The following ZBTB20 variants were observed in gnomAD, a reference collection of about 807,000 sequenced individuals.
The protein encoded by ZBTB20 is zinc finger and BTB domain containing 20.
In ZBTB20, 9 loss-of-function variants were observed where a neutral mutation model predicts 56.9. The ratio of observed to expected loss-of-function variants is 0.16; its 90% CI spans 0.10 to 0.28. The LOEUF is 0.28. ZBTB20 is among the 10% of genes least tolerant of loss of function. The pLI is 1.00. For synonymous variants in ZBTB20, 417 were observed against 420.7 expected (o/e 0.99, Z 0.11); for missense variants, 655 against 1,003.0 (o/e 0.65, Z 4.69).
At chr3:114,755,579 GA>G (rs2067949191) in intron 5 of ZBTB20, among the ~76,000 whole-genome samples, 1 of 152,048 alleles carries the variant, frequency 6.6e-6, no homozygotes, top group African/African-American at 2.4e-5. Flanking sequence ...TTATTTACAT[GA>G]AATTTTTTTT....
chr3:114,981,200 C>A (rs1275891751), intron 2 of ZBTB20, among the ~76,000 whole-genome samples: 3 of 151,916 alleles, frequency 2.0e-5, no homozygotes, highest in Non-Finnish European at 4.4e-5. Context: ...TTACAGAATT[C>A]TAAATAACTA....
chr3:115,035,946 T>C (rs77822609), intron 2 of ZBTB20, among the ~76,000 whole-genome samples: 402 of 152,314 alleles, frequency 2.6e-3, no homozygotes, highest in African/African-American at 9.3e-3. Flanking sequence ...TTGAGGACAC[T>C]ATGCTAAATG....
rs908066830 is a variant in ZBTB20 at position 114,314,926 on chromosome 3, G to A, written c.*24079C>T. 1 of 152,054 alleles carries A rather than the reference G, an allele frequency of 6.6e-6. No homozygotes were observed. Among genetic ancestry groups the A allele is most frequent in the African/African-American group, 2.4e-5 (1 of 41,388 alleles). The allele number at this position is 152,054 out of a possible 1,614,324, so 9.4% of individuals were successfully genotyped here. A position where few individuals can be genotyped will look rare whatever the true frequency, so the allele number is the denominator to read the frequency against. On this transcript the variant is annotated 3_prime_UTR_variant, in exon 12 of 12. Transcript: ENST00000675478. The stretch of plus-strand genomic sequence containing the variant: ...ATACGAGGCTAATATTAAATGGCAG[G>A]TAAGGATACTGTCACTGTAAGAAAA...
At chr3:114,816,278 A>G (rs1169371311) in intron 4 of ZBTB20, among the ~76,000 whole-genome samples, 1 of 152,240 alleles carries the variant, frequency 6.6e-6, no homozygotes, top group Non-Finnish European at 1.5e-5. Flanking sequence ...AAATAGAGGA[A>G]GTATGCTGGG....
chr3:114,385,585 C>T (rs1388506174), intron 8 of ZBTB20, among the ~76,000 whole-genome samples: 5 of 152,114 alleles, frequency 3.3e-5, no homozygotes, highest in Non-Finnish European at 5.9e-5. Context: ...AAGACATTTC[C>T]GGGCAAGGGG....
At chr3:114,373,194 G>C (rs182160374) in intron 10 of ZBTB20, among the ~76,000 whole-genome samples, 1 of 152,220 alleles carries the variant, frequency 6.6e-6, no homozygotes, top group Non-Finnish European at 1.5e-5. Flanking sequence ...GATTACAGGC[G>C]TGAGCCACTG....
intron 6 of ZBTB20, among the ~76,000 whole-genome samples, chr3:114,506,993 T>G (rs1283262124): frequency 6.6e-6 from 1 of 152,202 alleles, no homozygotes; most frequent in Non-Finnish European, 1.5e-5. Flanking sequence ...GTTGAATAAA[T>G]GCTGTCCGTC....
At chr3:114,770,981 C>T (rs765414234) in intron 5 of ZBTB20, among the ~76,000 whole-genome samples, 1 of 152,150 alleles carries the variant, frequency 6.6e-6, no homozygotes, top group Non-Finnish European at 1.5e-5. Context: ...ATTAGGGATG[C>T]TCAGCCTGTA....
chr3:114,898,026 C>A (rs1424023452), intron 4 of ZBTB20, among the ~76,000 whole-genome samples: 1 of 152,056 alleles, frequency 6.6e-6, no homozygotes, highest in African/African-American at 2.4e-5. Flanking sequence ...TTTAGTGAGT[C>A]ATAGAGACCA....
chr3:114,594,789 G>A (rs2056160822), intron 6 of ZBTB20, among the ~76,000 whole-genome samples: 1 of 152,106 alleles, frequency 6.6e-6, no homozygotes, highest in Non-Finnish European at 1.5e-5. Flanking sequence ...ATTATATCTT[G>A]AGGTGAAGTT....
intron 7 of ZBTB20, among the ~76,000 whole-genome samples, chr3:114,458,563 G>C (rs1018395242): frequency 2.0e-5 from 3 of 152,030 alleles, no homozygotes; most frequent in Non-Finnish European, 4.4e-5. Flanking sequence ...CTCATGATAA[G>C]CTGATTTTCT....
At chr3:114,969,994 T>C (rs1478672474) in intron 3 of ZBTB20, among the ~76,000 whole-genome samples, 1 of 152,246 alleles carries the variant, frequency 6.6e-6, no homozygotes, top group African/African-American at 2.4e-5. Context: ...AAGCATTATC[T>C]TTCTTGTAAG....
chr3:115,128,204 T>G (rs1465783742), intron 1 of ZBTB20, among the ~76,000 whole-genome samples: 4 of 152,228 alleles, frequency 2.6e-5, no homozygotes, highest in Non-Finnish European at 5.9e-5. Flanking sequence ...CTATCTCAAT[T>G]GCTATTAATT....
intron 6 of ZBTB20, among the ~76,000 whole-genome samples, chr3:114,590,812 A>G (rs1390852833): frequency 6.6e-6 from 1 of 152,150 alleles, no homozygotes. Context: ...TAGAGAAGTC[A>G]TTTCTTCCCT....
At chr3:114,741,495 C>G (rs1252985106) in intron 5 of ZBTB20, among the ~76,000 whole-genome samples, 1 of 152,116 alleles carries the variant, frequency 6.6e-6, no homozygotes, top group Non-Finnish European at 1.5e-5. Context: ...CTATTAAACA[C>G]TGGTGGAGAT....
intron 5 of ZBTB20, among the ~76,000 whole-genome samples, chr3:114,793,147 C>G (rs1339956482): frequency 6.6e-6 from 1 of 151,740 alleles, no homozygotes; most frequent in African/African-American, 2.4e-5. Context: ...CCCAAAGTGA[C>G]GGGATTACAG....
intron 3 of ZBTB20, among the ~76,000 whole-genome samples, chr3:114,911,581 G>A (rs1332738806): frequency 6.6e-6 from 1 of 150,860 alleles, no homozygotes; most frequent in Non-Finnish European, 1.5e-5. Context: ...ATAAAAAAAG[G>A]ACCAAACAGA....
chr3:114,343,054 T>C, intron 11 of ZBTB20, among the ~76,000 whole-genome samples: 1 of 151,230 alleles, frequency 6.6e-6, no homozygotes, highest in Non-Finnish European at 1.5e-5. Context: ...GTGGTAAAAG[T>C]ATACGTTTTT....
At chr3:114,604,779 T>A (rs1227734245) in intron 6 of ZBTB20, among the ~76,000 whole-genome samples, 1 of 152,038 alleles carries the variant, frequency 6.6e-6, no homozygotes, top group Non-Finnish European at 1.5e-5. Flanking sequence ...TATTAAACAG[T>A]TATTCCTTTC....
Sources: allele counts gnomAD v4.1 joint callset (sites outside exome capture counted in the v4.1 genomes callset), GRCh38; gene constraint gnomAD v4.1.1; transcripts MANE v1.5; gene names NCBI Gene and HGNC (gene_info 2026-07-23, HGNC 2026-07-21).